Variants in FAM13C observed in about 807,000 individuals in gnomAD.
The protein encoded by FAM13C is family with sequence similarity 13 member C.
Under a neutral mutation model 73.2 loss-of-function variants are expected in FAM13C, and 37 were observed. That is an observed-to-expected ratio of 0.51 (90% CI 0.39 to 0.67). The LOEUF is 0.67. FAM13C is among the 30% of genes least tolerant of loss of function. FAM13C has a pLI of 0.00. For missense variants in FAM13C, 589 were observed against 715.6 expected (o/e 0.82, Z 2.02); for synonymous variants, 246 against 260.9 (o/e 0.94, Z 0.55).
intron 6 of FAM13C, among the ~76,000 whole-genome samples, chr10:59,280,512 A>G (rs1844809106): frequency 6.6e-6 from 1 of 152,220 alleles, no homozygotes; most frequent in Non-Finnish European, 1.5e-5. Context: ...ACAGAACTTG[A>G]CATTATCTCC....
chr10:59,250,796 C>T (rs1207614294), intron 13 of FAM13C, among the ~76,000 whole-genome samples: 1 of 152,160 alleles, frequency 6.6e-6, no homozygotes, highest in Non-Finnish European at 1.5e-5. Context: ...AAGTTACACT[C>T]TTCATTTATT....
At chr10:59,351,387 C>T (rs987317973) in intron 3 of FAM13C, among the ~76,000 whole-genome samples, 5 of 149,936 alleles carry the variant, frequency 3.3e-5, no homozygotes, top group African/African-American at 4.9e-5. Context: ...ATAGTCTTTG[C>T]TACATTCTTA....
chr10:59,283,020 TC>T (rs1414645374), intron 6 of FAM13C, among the ~76,000 whole-genome samples: 2 of 152,128 alleles, frequency 1.3e-5, no homozygotes, highest in Admixed American at 6.5e-5. Context: ...GCACAGGTTA[TC>T]TAGGTCCAGT....
intron 9 of FAM13C, 71 bp from the exon 10 acceptor site, chr10:59,262,716 G>A (rs1369496548): frequency 7.4e-7 from 1 of 1,351,656 alleles, no homozygotes; most frequent in Non-Finnish European, 1.0e-6. Context: ...AGACTTTCAG[G>A]AATTCCTTCC....
intron 6 of FAM13C, among the ~76,000 whole-genome samples, chr10:59,280,235 A>T (rs937686741): frequency 1.3e-5 from 2 of 152,170 alleles, no homozygotes; most frequent in Non-Finnish European, 2.9e-5. Context: ...AAAATAGGAC[A>T]ATCCTGTGCA....
intron 6 of FAM13C, among the ~76,000 whole-genome samples, chr10:59,271,052 CA>C (rs547936179): frequency 1.3e-5 from 2 of 152,116 alleles, no homozygotes; most frequent in African/African-American, 2.4e-5. Context: ...GAAACTGAGT[CA>C]GGGGGCCAGA....
chr10:59,257,641 T>C (rs1485003132), intron 10 of FAM13C, among the ~76,000 whole-genome samples: 3 of 152,164 alleles, frequency 2.0e-5, no homozygotes, highest in African/African-American at 4.8e-5. Context: ...CATCCCCTTA[T>C]TGAGGGAGAC....
chr10:59,286,182 A>G (rs1845528837), intron 5 of FAM13C, among the ~76,000 whole-genome samples: 1 of 152,174 alleles, frequency 6.6e-6, no homozygotes, highest in African/African-American at 2.4e-5. Context: ...AAGGATAACT[A>G]CTGTATACTC....
intron 4 of FAM13C, among the ~76,000 whole-genome samples, chr10:59,323,049 T>C (rs183153266): frequency 6.6e-6 from 1 of 152,336 alleles, no homozygotes; most frequent in Non-Finnish European, 1.5e-5. Flanking sequence ...ATTGGATATT[T>C]AAAAGTACAA....
chr10:59,280,157 T>C (rs1844770646), intron 6 of FAM13C, among the ~76,000 whole-genome samples: 1 of 152,226 alleles, frequency 6.6e-6, no homozygotes, highest in Non-Finnish European at 1.5e-5. Context: ...AACCTACAAG[T>C]AGGGTGACCA....
chr10:59,312,493 T>C (rs1289648291), intron 4 of FAM13C, among the ~76,000 whole-genome samples: 1 of 152,146 alleles, frequency 6.6e-6, no homozygotes, highest in Non-Finnish European at 1.5e-5. Context: ...CACTACAGTA[T>C]AGTGTACAAC....
At chr10:59,362,562 C>A, upstream of FAM13C, 4 of 1,550,778 alleles carry the variant, frequency 2.6e-6, no homozygotes, top group Non-Finnish European at 3.5e-6. Context: ...GCTCGCCCGG[C>A]ACGCTCGCTC....
chr10:59,357,753 A>G (rs1050786798), intron 1 of FAM13C, among the ~76,000 whole-genome samples: 9 of 152,118 alleles, frequency 5.9e-5, no homozygotes, highest in African/African-American at 2.2e-4. Flanking sequence ...CAATTTGGAG[A>G]CTCACATTTT....
At chr10:59,304,251 T>C (rs1847945583) in intron 4 of FAM13C, among the ~76,000 whole-genome samples, 1 of 152,224 alleles carries the variant, frequency 6.6e-6, no homozygotes, top group Admixed American at 6.5e-5. Flanking sequence ...AGATGCTGGA[T>C]ATCAGACCTT....
intron 13 of FAM13C, chr10:59,251,264 C>A: frequency 2.5e-6 from 1 of 393,992 alleles, no homozygotes; most frequent in Non-Finnish European, 4.5e-6. Context: ...AAAAAATCAA[C>A]AGATTTTTTT....
intron 3 of FAM13C, among the ~76,000 whole-genome samples, chr10:59,347,405 G>A (rs1219762703): frequency 6.6e-6 from 1 of 152,162 alleles, no homozygotes; most frequent in African/African-American, 2.4e-5. Context: ...TGATCCTCCA[G>A]AAGTAGAACT....
At chr10:59,259,204 A>G (rs1842235404) in intron 10 of FAM13C, among the ~76,000 whole-genome samples, 1 of 152,244 alleles carries the variant, frequency 6.6e-6, no homozygotes, top group Non-Finnish European at 1.5e-5. Context: ...CTGAAGCAAC[A>G]AGGCAATGCT....
chr10:59,361,138 G>C (rs1163354307), intron 1 of FAM13C: 1 of 1,273,516 alleles, frequency 7.9e-7, no homozygotes, highest in East Asian at 5.6e-5. Context: ...TGCAGCACAG[G>C]TTACCAAGCA....
chr10:59,325,392 C>A (rs2134042924), intron 3 of FAM13C, among the ~76,000 whole-genome samples: 1 of 152,224 alleles, frequency 6.6e-6, no homozygotes, highest in African/African-American at 2.4e-5. Flanking sequence ...AACAGCTGGG[C>A]AGAGCTGTGG....
Sources: gnomAD v4.1 joint callset for allele counts (sites outside exome capture counted in the v4.1 genomes callset) on GRCh38, gnomAD v4.1.1 for gene constraint, MANE v1.5 for transcripts, NCBI Gene and HGNC (gene_info 2026-07-23, HGNC 2026-07-21) for gene names.